The following SLC24A5 variants were observed in gnomAD, a reference collection of about 807,000 sequenced individuals.
The protein encoded by SLC24A5 is solute carrier family 24 member 5.
SLC24A5 carries 46 observed loss-of-function variants against 51.6 expected under a neutral mutation model. The ratio of observed to expected loss-of-function variants is 0.89; its 90% CI spans 0.70 to 1.14. The LOEUF is 1.14. Among genes scored for constraint, SLC24A5 ranks in the 50% most tolerant of loss-of-function variants. The probability of loss-of-function intolerance (pLI) is 0.00; values close to 1 mark genes in which losing one functional copy is unlikely to be tolerated. For missense variants in SLC24A5, 581 were observed against 604.1 expected, an observed-to-expected ratio of 0.96 and a Z score of 0.40; for synonymous variants, 230 against 214.9, an observed-to-expected ratio of 1.07 and a Z score of -0.62.
intron 2 of SLC24A5, among the ~76,000 whole-genome samples, chr15:48,127,154 G>T (rs1166701164): frequency 6.6e-6 from 1 of 152,130 alleles, no homozygotes; most frequent in Non-Finnish European, 1.5e-5. Flanking sequence ...TGTGAAACAG[G>T]GTGATTACAA....
intron 7 of SLC24A5, chr15:48,140,868 G>A (rs905915256): frequency 9.6e-5 from 34 of 353,692 alleles, no homozygotes; most frequent in Middle Eastern, 8.7e-4. Flanking sequence ...TTTCTCACTG[G>A]CAGAATTTTA....
intron 4 of SLC24A5, 134 bp from the exon 5 acceptor site, chr15:48,134,750 C>T: frequency 1.2e-6 from 1 of 804,622 alleles, no homozygotes; most frequent in Non-Finnish European, 1.9e-6. Flanking sequence ...CACAATTTTA[C>T]ATTTTTTTCT....
intron 1 of SLC24A5, 44 bp from the exon 2 acceptor site, chr15:48,121,813 G>A (rs775816359): frequency 3.8e-6 from 6 of 1,592,072 alleles, no homozygotes; most frequent in East Asian, 2.2e-5. Flanking sequence ...CTTGGAATGT[G>A]TGACTCCAAA....
intron 2 of SLC24A5, among the ~76,000 whole-genome samples, chr15:48,126,259 C>T (rs543947092): frequency 6.6e-6 from 1 of 152,294 alleles, no homozygotes; most frequent in East Asian, 1.9e-4. Flanking sequence ...CTCTACGAGG[C>T]AACCTCAGAC....
chr15:48,122,406 A>C (rs1194364743), intron 2 of SLC24A5: 3 of 348,768 alleles, frequency 8.6e-6, no homozygotes, highest in Middle Eastern at 1.5e-3. Flanking sequence ...GCTTCAAAAA[A>C]CTTTTTTTTA....
chr15:48,134,961 A>T lies in SLC24A5; in HGVS notation c.567A>T (p.Ile189=), dbSNP rs1413330804. The change falls in exon 5 of 9, where the codon ATA becomes ATT. Residue 189 remains isoleucine, a synonymous_variant. Coordinates refer to ENST00000341459, the MANE Select transcript of SLC24A5 (RefSeq NM_205850.3). ...YTISAAAVLG[I]IYDNQVYWYE... ...TTAGTGCAGCAGCAGTTCTTGGTATAATATATGACAACCAAGTTTACTGGT... is the reference window on the plus strand; with the variant it reads ...TTAGTGCAGCAGCAGTTCTTGGTATTATATATGACAACCAAGTTTACTGGT... 8.1e-6 allele frequency: 13 copies of T among 1,610,072 alleles called. No homozygotes were observed. In the South Asian group the frequency reaches 9.9e-5, roughly 12 times the overall value.
intron 1 of SLC24A5, 46 bp from the exon 2 acceptor site, chr15:48,121,811 G>A (rs1008653559): frequency 6.3e-7 from 1 of 1,586,802 alleles, no homozygotes; most frequent in Non-Finnish European, 8.6e-7. Flanking sequence ...GGCTTGGAAT[G>A]TGTGACTCCA....
rs1214007223 is a variant in SLC24A5, at chr15:48,142,279, G to T, written c.1431G>T (p.Gly477=). The change falls in exon 9 of 9, where the codon GGG becomes GGT. Residue 477 remains glycine, a synonymous_variant. Coordinates refer to ENST00000341459, the MANE Select transcript of SLC24A5 (RefSeq NM_205850.3). ...LGIVCLLSYL[G]LATLSVLYEL... ...TAGTCTGCCTATTATCATACTTGGG[G>T]CTTGCTACATTATCAGTTCTATATG... The T allele has an allele frequency of 1.9e-6, 3 of 1,613,442 alleles. No individual in the cohort carries two copies. In the East Asian group the frequency reaches 6.7e-5, roughly 36 times the overall value.
chr15:48,136,057 G>A (rs2140737109), intron 5 of SLC24A5: 1 of 152,248 alleles, frequency 6.6e-6, no homozygotes, highest in Middle Eastern at 3.4e-3. Context: ...CAGAGTACAG[G>A]GAAACAGTTC....
chr15:48,139,240 C>CTTAT, intron 7 of SLC24A5, 65 bp downstream of exon 7: 2 of 1,363,962 alleles, frequency 1.5e-6, no homozygotes, highest in Non-Finnish European at 2.1e-6. Flanking sequence ...TGCATATGTT[C>CTTAT]ACTCAAAGTA....
chr15:48,139,232 C>CA, intron 7 of SLC24A5, 57 bp downstream of exon 7: 2 of 1,406,794 alleles, frequency 1.4e-6, no homozygotes, highest in Non-Finnish European at 2.0e-6. Context: ...GAACAAATTG[C>CA]ATATGTTCAC....
intron 2 of SLC24A5, chr15:48,123,937 T>C (rs2038705003): frequency 1.3e-5 from 2 of 152,162 alleles, no homozygotes; most frequent in South Asian, 4.1e-4. Context: ...TTTTATTTTA[T>C]GGTTTTCCTT....
At chr15:48,129,480 C>A (rs940357744) in intron 2 of SLC24A5, among the ~76,000 whole-genome samples, 2 of 152,068 alleles carry the variant, frequency 1.3e-5, no homozygotes, top group Non-Finnish European at 2.9e-5. Flanking sequence ...GTCTGATAGA[C>A]TTTTGATTGT....
rs1258474715 is a variant in SLC24A5, at chr15:48,136,894, A to G, written c.802A>G (p.Ile268Val). The change falls in exon 6 of 9, where the codon ATA becomes GTA. Residue 268 changes from isoleucine to valine, a missense_variant. By Grantham distance (29) the Ile-to-Val change is conservative (BLOSUM62 3). Transcript: ENST00000341459. ...IRRQSRTDSG[I>V]FYEDSGYSQL... ...TCGGCAATCAAGAACTGATAGTGGA[A>G]TATTTTATGAAGATTCTGGCTACTC... The G allele has an allele frequency of 2.5e-6, 4 of 1,613,866 alleles. No homozygotes were observed. Among genetic ancestry groups the G allele is most frequent in the Non-Finnish European group, 3.4e-6 (4 of 1,179,782 alleles).
intron 2 of SLC24A5, among the ~76,000 whole-genome samples, chr15:48,128,065 C>A (rs952215700): frequency 1.3e-5 from 2 of 151,696 alleles, no homozygotes; most frequent in African/African-American, 4.8e-5. Flanking sequence ...TCTCTCTAAG[C>A]AGTTTAATTT....
At chr15:48,123,450 C>A (rs2038700367) in intron 2 of SLC24A5, 1 of 151,934 alleles carries the variant, frequency 6.6e-6, no homozygotes, top group African/African-American at 2.4e-5. Context: ...TTTTTTCACA[C>A]AATATTTTAT....
intron 2 of SLC24A5, 154 bp downstream of exon 2, chr15:48,122,190 T>C: frequency 2.6e-6 from 2 of 758,298 alleles, no homozygotes; most frequent in Non-Finnish European, 4.6e-6. Context: ...AAGGAACTGG[T>C]CGAGTGTGGT....
Position 48,121,897 on chromosome 15 carries a change from T to C in SLC24A5, c.162T>C (p.Phe54=). 1.2e-6 allele frequency: 2 copies of C among 1,614,190 alleles called. No individual in the cohort carries two copies. Among genetic ancestry groups the C allele is most frequent in the Non-Finnish European group, 1.7e-6 (2 of 1,180,018 alleles). ...GTGTTATTTCTCCATCATCGGAGTTTCCCGAAGGGTTTTTCACGAGACAGG... is the reference window on the plus strand; with the variant it reads ...GTGTTATTTCTCCATCATCGGAGTTCCCCGAAGGGTTTTTCACGAGACAGG... ...TQCVISPSSE[F]PEGFFTRQER... Residue 54 remains phenylalanine (F), a synonymous_variant, in exon 2 of 9, where the codon TTT becomes TTC. Coordinates refer to ENST00000341459, the MANE Select transcript of SLC24A5 (RefSeq NM_205850.3).
chr15:48,141,508 C>T (rs1329143161), intron 8 of SLC24A5: 4 of 205,714 alleles, frequency 1.9e-5, no homozygotes, highest in Non-Finnish European at 2.9e-5. Context: ...ATCCAGGAGG[C>T]GGAGGTTGCA....
Sources: allele counts gnomAD v4.1 joint callset (sites outside exome capture counted in the v4.1 genomes callset), GRCh38; gene constraint gnomAD v4.1.1; transcripts MANE v1.5; gene names NCBI Gene and HGNC (gene_info 2026-07-23, HGNC 2026-07-21).